The following PATL2 variants were observed in gnomAD, a reference collection of about 807,000 sequenced individuals.
PATL2 encodes PAT1 homolog 2.
Under a neutral mutation model 77.0 loss-of-function variants are expected in PATL2, and 73 were observed. That is an observed-to-expected ratio of 0.95 (90% CI 0.78 to 1.15). PATL2 has a LOEUF of 1.15. Ranked by LOEUF, PATL2 falls within the 50% of genes most tolerant of loss-of-function variation. The pLI is 0.00. For synonymous variants in PATL2, 265 were observed against 257.1 expected, an observed-to-expected ratio of 1.03 and a Z score of -0.29; for missense variants, 618 against 655.4, an observed-to-expected ratio of 0.94 and a Z score of 0.62.
upstream of PATL2, chr15:44,711,347 C>A: frequency 1.5e-6 from 1 of 675,860 alleles, no homozygotes. Context: ...CTAGTGCATG[C>A]CTTCTTAAAC....
chr15:44,669,858 A>AC lies in PATL2; in HGVS notation c.794dup (p.Ser266PhefsTer18). On this transcript the variant is annotated frameshift_variant, in exon 11 of 18. Coordinates refer to ENST00000682850, the MANE Select transcript of PATL2 (RefSeq NM_001387263.1). LOFTEE classifies it high-confidence loss of function. ...TCGACACAGCTACCTGGCCCAGGGA[A>AC]CCCTCGATTCGGACCACTGCATGAG... The AC allele has an allele frequency of 6.4e-7, 1 of 1,551,132 alleles. No individual in the cohort carries two copies. The highest frequency in any genetic ancestry group is 8.7e-7 in the Non-Finnish European group (1 of 1,146,862).
intron 3 of PATL2, among the ~76,000 whole-genome samples, chr15:44,704,328 T>G (rs1332264362): frequency 5.3e-5 from 8 of 152,152 alleles, no homozygotes; most frequent in Non-Finnish European, 1.2e-4. Flanking sequence ...TGTTGTATGC[T>G]TTTTTATTTC....
At chr15:44,699,412 C>T (rs2086580831) in intron 3 of PATL2, among the ~76,000 whole-genome samples, 1 of 152,148 alleles carries the variant, frequency 6.6e-6, no homozygotes, top group East Asian at 1.9e-4. Context: ...GGTCTCAGCT[C>T]ACTACAACCT....
intron 3 of PATL2, among the ~76,000 whole-genome samples, chr15:44,696,192 A>G (rs1480190376): frequency 6.6e-6 from 1 of 152,248 alleles, no homozygotes; most frequent in Non-Finnish European, 1.5e-5. Flanking sequence ...CTATACCTAC[A>G]AGGGAAAACA....
intron 3 of PATL2, among the ~76,000 whole-genome samples, chr15:44,683,359 G>A (rs1366417688): frequency 6.6e-6 from 1 of 152,204 alleles, no homozygotes; most frequent in African/African-American, 2.4e-5. Flanking sequence ...CTCACTGCCA[G>A]CACAGCAGTC....
intron 3 of PATL2, among the ~76,000 whole-genome samples, chr15:44,695,446 C>A (rs934933845): frequency 1.3e-5 from 2 of 152,074 alleles, no homozygotes; most frequent in African/African-American, 4.8e-5. Context: ...ATGGCGCTGG[C>A]CAAGGGGAAA....
intron 3 of PATL2, among the ~76,000 whole-genome samples, chr15:44,689,427 C>T (rs910348949): frequency 2.6e-5 from 4 of 152,200 alleles, no homozygotes; most frequent in African/African-American, 7.2e-5. Context: ...TTTACTGCAG[C>T]ACCGTTCACA....
At chr15:44,679,479 C>T (rs952255443) in intron 3 of PATL2, among the ~76,000 whole-genome samples, 3 of 151,872 alleles carry the variant, frequency 2.0e-5, no homozygotes, top group Non-Finnish European at 4.4e-5. Context: ...CCACTTACCT[C>T]GGCCTCCCAA....
intron 5 of PATL2, chr15:44,674,949 A>C (rs1481323101): frequency 1.3e-5 from 2 of 152,848 alleles, no homozygotes; most frequent in African/African-American, 4.8e-5. Context: ...AATAAAAGTT[A>C]TGTGAATGTG....
At chr15:44,701,843 T>C (rs1265992013) in intron 3 of PATL2, among the ~76,000 whole-genome samples, 1 of 152,030 alleles carries the variant, frequency 6.6e-6, no homozygotes, top group Non-Finnish European at 1.5e-5. Context: ...AGGGAGCTTT[T>C]ACTCATCGCA....
chr15:44,665,741 T>A lies in PATL2; in HGVS notation c.*212A>T, dbSNP rs750842421. On this transcript the variant is annotated 3_prime_UTR_variant, in exon 18 of 18. Transcript: ENST00000682850. Reference sequence around the variant, plus strand: ...AGCAAGTTCCAACACATCATTCTATTATCTCTTTAATTATACCTTATTATG... The same window carrying A: ...AGCAAGTTCCAACACATCATTCTATAATCTCTTTAATTATACCTTATTATG... 203 of 1,387,090 alleles carry A rather than the reference T, an allele frequency of 1.5e-4. No individual in the cohort carries two copies. The highest frequency in any genetic ancestry group is 7.5e-5 in the Non-Finnish European group (79 of 1,050,038). 85.9% of individuals were successfully genotyped at this position (1,387,090 alleles called of 1,614,324 possible).
Position 44,667,166 on chromosome 15 carries a change from C to G in PATL2, c.1403G>C (p.Gly468Ala). The change falls in exon 16 of 18, where the codon GGG (glycine) becomes GCG (alanine). Residue 468 changes from glycine (G) to alanine (A), a missense_variant. Gly to Ala is a moderately conservative substitution (Grantham distance 60, BLOSUM62 0). Transcript: ENST00000682850. The stretch of plus-strand genomic sequence containing the variant: ...AGAATGCAGCGATACCAGTTGCTCC[C>G]CATGGCTCAGCAGGGCATAGAGCAA... ...ISLLYALLSH[G>A]EQLVSLHSSL... 1 of 1,551,636 alleles carries G rather than the reference C, an allele frequency of 6.4e-7. No homozygotes were observed. The highest frequency in any genetic ancestry group is 8.7e-7 in the Non-Finnish European group (1 of 1,146,970).
intron 3 of PATL2, among the ~76,000 whole-genome samples, chr15:44,705,981 G>T (rs2086728197): frequency 6.6e-6 from 1 of 151,916 alleles, no homozygotes; most frequent in South Asian, 2.1e-4. Flanking sequence ...TGTATTTTTA[G>T]TAGAGATAGG....
chr15:44,710,092 T>C lies in PATL2; in HGVS notation c.-76+4A>G, dbSNP rs1226745166. On this transcript the variant is annotated splice_donor_region_variant and intron_variant, in intron 3 of 17. Transcript: ENST00000682850. ...GCGCTTATTAAACACTACAGAACAC[T>C]TACTATGTACCAGGCATTGTGGGAG... Among the ~76,000 whole-genome samples the C allele has an allele frequency of 1.3e-5, 2 of 152,222 alleles. No individual in the cohort carries two copies. The highest frequency in any genetic ancestry group is 3.8e-4 in the East Asian group (2 of 5,208).
chr15:44,667,383 T>C (rs897688808), intron 15 of PATL2, 180 bp from the exon 16 acceptor site: 2 of 570,104 alleles, frequency 3.5e-6, no homozygotes, highest in East Asian at 5.9e-5. Flanking sequence ...ACCCTTTCCA[T>C]AGGAATCACT....
chr15:44,667,246 A>G lies in PATL2; in HGVS notation c.1366-43T>C, dbSNP rs2085421777. The G allele has an allele frequency of 3.5e-6, 5 of 1,421,902 alleles. No individual in the cohort carries two copies. The South Asian group carries it at 6.2e-5, about 18-fold the overall frequency. 88.1% of individuals were successfully genotyped at this position (1,421,902 alleles called of 1,614,324 possible). A position where few individuals can be genotyped will look rare whatever the true frequency, so the allele number is the denominator to read the frequency against. On this transcript the variant is annotated intron_variant, in intron 15 of 17. Coordinates refer to ENST00000682850, the MANE Select transcript of PATL2 (RefSeq NM_001387263.1). Reference sequence around the variant, plus strand: ...ATATTCCAGAGCAAAATGAGTTCACACTCGGCATTTGGTGCTTTCCTGACT... The same window carrying G: ...ATATTCCAGAGCAAAATGAGTTCACGCTCGGCATTTGGTGCTTTCCTGACT...
At chr15:44,671,669 TAA>T (rs2085684767) in intron 9 of PATL2, among the ~76,000 whole-genome samples, 1 of 152,144 alleles carries the variant, frequency 6.6e-6, no homozygotes, top group African/African-American at 2.4e-5. Context: ...GCTTTAGATC[TAA>T]AAAGTCAAAG....
chr15:44,693,664 T>C (rs185390689), intron 3 of PATL2, among the ~76,000 whole-genome samples: 45 of 152,222 alleles, frequency 3.0e-4, no homozygotes, highest in African/African-American at 1.1e-3. Flanking sequence ...AGGCATGATA[T>C]AGAGAAAAGT....
intron 3 of PATL2, among the ~76,000 whole-genome samples, chr15:44,683,508 G>A (rs887240104): frequency 7.9e-5 from 12 of 152,182 alleles, no homozygotes; most frequent in East Asian, 7.7e-4. Context: ...CTGCAGCTCC[G>A]CAAAGCTGCT....
Sources: allele counts gnomAD v4.1 joint callset (sites outside exome capture counted in the v4.1 genomes callset), GRCh38; gene constraint gnomAD v4.1.1; transcripts MANE v1.5; gene names NCBI Gene and HGNC (gene_info 2026-07-23, HGNC 2026-07-21).